WDR27: variants seen among roughly 807,000 people sequenced by gnomAD.
The protein encoded by WDR27 is WD repeat-containing protein 27.
In WDR27, 100 loss-of-function variants were observed where a neutral mutation model predicts 114.4. That is an observed-to-expected ratio of 0.87 (90% CI 0.74 to 1.03). WDR27 has a LOEUF of 1.03. Ranked by LOEUF, WDR27 falls within the 50% of genes least tolerant of loss-of-function variation. The pLI, the probability that WDR27 is intolerant of heterozygous loss-of-function variation, is 0.00. For synonymous variants in WDR27, 449 were observed against 423.1 expected (o/e 1.06, Z -0.75); for missense variants, 1,129 against 1,092.9 (o/e 1.03, Z -0.47).
At chr6:169,545,860 T>C (rs376832436) in intron 25 of WDR27, among the ~76,000 whole-genome samples, 1 of 152,072 alleles carries the variant, frequency 6.6e-6, no homozygotes, top group African/African-American at 2.4e-5. Flanking sequence ...ATAGTAATTA[T>C]ATATACATAC....
intron 23 of WDR27, among the ~76,000 whole-genome samples, chr6:169,584,235 G>C (rs1804128481): frequency 6.6e-6 from 1 of 152,138 alleles, no homozygotes. Flanking sequence ...TCCACACTGT[G>C]GCAAATGGCA....
At chr6:169,655,864 C>T (rs544150717) in intron 13 of WDR27, among the ~76,000 whole-genome samples, 69 of 152,232 alleles carry the variant, frequency 4.5e-4, no homozygotes, top group African/African-American at 1.4e-3. Context: ...GGACTACAGG[C>T]GCCCGCCAAC....
chr6:169,664,676 G>GA lies in WDR27; in HGVS notation c.784-391dup, dbSNP rs1192683407. 1.9e-3 allele frequency: 1,872 copies of GA among 1,005,862 alleles called. 7 individuals carry two copies. The highest frequency in any genetic ancestry group is 0.016 in the African/African-American group (948 of 58,374). 62.3% of individuals were successfully genotyped at this position (1,005,862 alleles called of 1,614,324 possible). A position where few individuals can be genotyped will look rare whatever the true frequency, so the allele number is the denominator to read the frequency against. ...CAACAGCGGTCAACTTTGTCAAAAG[G>GA]AAAAAAAAAATCTAAGTTTTCAAAA... On this transcript the variant is annotated intron_variant, in intron 7 of 25. Transcript: ENST00000448612.
chr6:169,468,561 C>G (rs905233049), intron 25 of WDR27, among the ~76,000 whole-genome samples: 4 of 152,218 alleles, frequency 2.6e-5, no homozygotes, highest in Non-Finnish European at 4.4e-5. Context: ...TCAATTACCT[C>G]CCACCAGGTC....
intron 17 of WDR27, among the ~76,000 whole-genome samples, chr6:169,640,865 A>G (rs1297389812): frequency 6.6e-6 from 1 of 152,200 alleles, no homozygotes; most frequent in Non-Finnish European, 1.5e-5. Flanking sequence ...GGGAGGGTGA[A>G]GTCACTGCTA....
the WDR27 span, among the ~76,000 whole-genome samples, chr6:169,448,525 A>G: frequency 6.6e-6 from 1 of 152,148 alleles, no homozygotes; most frequent in Non-Finnish European, 1.5e-5. Flanking sequence ...TGAGTGCCAC[A>G]ATACACAGAA....
At chr6:169,461,443 G>T (rs1784891568) in intron 25 of WDR27, among the ~76,000 whole-genome samples, 1 of 152,010 alleles carries the variant, frequency 6.6e-6, no homozygotes, top group African/African-American at 2.4e-5. Flanking sequence ...GATGAATTTA[G>T]AAATTGATAA....
At chr6:169,492,291 T>C (rs1343185487) in intron 25 of WDR27, among the ~76,000 whole-genome samples, 1 of 151,278 alleles carries the variant, frequency 6.6e-6, no homozygotes, top group Non-Finnish European at 1.5e-5. Flanking sequence ...CAATGAAATA[T>C]AATATTAAAG....
intron 17 of WDR27, among the ~76,000 whole-genome samples, chr6:169,639,957 T>C (rs2128226102): frequency 6.6e-6 from 1 of 152,182 alleles, no homozygotes; most frequent in Non-Finnish European, 1.5e-5. Flanking sequence ...CTGTGTGGCA[T>C]GGTGAGGAGG....
chr6:169,439,917 C>CG, the WDR27 span, among the ~76,000 whole-genome samples: 3 of 147,028 alleles, frequency 2.0e-5, no homozygotes, highest in African/African-American at 7.7e-5. Flanking sequence ...GTTATATTAC[C>CG]AATATTATTA....
chr6:169,489,348 G>A (rs1789409652), intron 25 of WDR27, among the ~76,000 whole-genome samples: 1 of 152,192 alleles, frequency 6.6e-6, no homozygotes, highest in Non-Finnish European at 1.5e-5. Flanking sequence ...AAGACAGTTT[G>A]TATTAGAAAA....
At chr6:169,548,526 T>G (rs562886732) in intron 25 of WDR27, among the ~76,000 whole-genome samples, 2 of 152,322 alleles carry the variant, frequency 1.3e-5, no homozygotes, top group South Asian at 2.1e-4. Context: ...ACTGTATGTA[T>G]GAAAAGCAAA....
At chr6:169,576,079 A>G (rs928261632) in intron 24 of WDR27, among the ~76,000 whole-genome samples, 2 of 152,268 alleles carry the variant, frequency 1.3e-5, no homozygotes, top group Non-Finnish European at 2.9e-5. Flanking sequence ...CCTGCTTTAG[A>G]TACTTCTATA....
At chr6:169,641,225 C>A (rs1819066286) in intron 17 of WDR27, among the ~76,000 whole-genome samples, 1 of 152,220 alleles carries the variant, frequency 6.6e-6, no homozygotes, top group South Asian at 2.1e-4. Flanking sequence ...AAGGTGGGAT[C>A]CCCCTCCTCT....
At position 169,658,315 on chromosome 6, in the gene WDR27, T is replaced by C. The variant is rs778000450; in HGVS notation, c.1363A>G (p.Lys455Glu). The C allele has an allele frequency of 3.7e-6, 6 of 1,602,218 alleles. No homozygotes were observed. Among genetic ancestry groups the C allele is most frequent in the Non-Finnish European group, 5.1e-6 (6 of 1,174,718 alleles). Residue 455 changes from lysine to glutamate, a missense_variant, in exon 13 of 26, where the codon AAG becomes GAG. Physicochemically the swap from Lys to Glu is moderately conservative, Grantham distance 56 (BLOSUM62 1). Transcript: ENST00000448612. ...PTSPLYLGIA[K>E]EKSTKAASEQ... ...CTAGCAGCCTTGGTACTCTTCTCCT[T>C]GGCAATTCCCAGATACAGTGGAGAG... is the stretch of plus-strand genomic sequence containing the variant.
intron 25 of WDR27, among the ~76,000 whole-genome samples, chr6:169,465,186 A>C (rs1241411910): frequency 7.0e-6 from 1 of 141,972 alleles, no homozygotes; most frequent in African/African-American, 2.7e-5. Context: ...TGAACCTGGG[A>C]GGTGGAGATT....
At chr6:169,534,126 A>T (rs889881421) in intron 25 of WDR27, among the ~76,000 whole-genome samples, 1 of 152,128 alleles carries the variant, frequency 6.6e-6, no homozygotes, top group Admixed American at 6.5e-5. Context: ...CATTTTGTCA[A>T]ATCATTTTCC....
At position 169,466,262 on chromosome 6, in the gene WDR27, C is replaced by T. The variant is rs139842934; in HGVS notation, c.2646-8628G>A. Among the ~76,000 whole-genome samples, 611 of 152,100 alleles carry T rather than the reference C, an allele frequency of 4.0e-3. 2 individuals carry two copies. Among genetic ancestry groups the T allele is most frequent in the Non-Finnish European group, 7.1e-3 (485 of 67,998 alleles). ...TAATAAGGCCAGCTCTCTTATATGC[C>T]GTAGTATTAGTCTGTTTTCACACTG... On this transcript the variant is annotated intron_variant, in intron 25 of 25. Coordinates refer to ENST00000448612, the MANE Select transcript of WDR27 (RefSeq NM_182552.5).
rs80030945 is a variant in WDR27 at position 169,639,133 on chromosome 6, G to A, written c.1748-473C>T. On this transcript the variant is annotated intron_variant, in intron 17 of 25. Transcript: ENST00000448612. ...TGTACCATGTGGTGCTCGGTACTGT[G>A]TGGTGCTGGGTACTGTGTGGGGCGT... Among the ~76,000 whole-genome samples the A allele has an allele frequency of 9.6e-3, 1,413 of 146,498 alleles. 56 individuals are homozygous for A. The highest frequency in any genetic ancestry group is 0.081 in the Admixed American group (1,178 of 14,516).
Sources: allele counts gnomAD v4.1 joint callset (sites outside exome capture counted in the v4.1 genomes callset), GRCh38; gene constraint gnomAD v4.1.1; transcripts MANE v1.5; gene names NCBI Gene and HGNC (gene_info 2026-07-23, HGNC 2026-07-21).